The following CASP5 variants were observed in gnomAD, a reference collection of about 807,000 sequenced individuals.
CASP5 encodes caspase 5.
Under a neutral mutation model 45.2 loss-of-function variants are expected in CASP5, and 42 were observed. That is an observed-to-expected ratio of 0.93 (90% CI 0.73 to 1.20). CASP5 has a LOEUF of 1.20. Among genes scored for constraint, CASP5 ranks in the 50% most tolerant of loss-of-function variants. CASP5 has a pLI of 0.00. For synonymous variants in CASP5, 209 were observed against 186.2 expected (o/e 1.12, Z -1.00); for missense variants, 512 against 532.2 (o/e 0.96, Z 0.37).
chr11:105,020,105 A>T (rs1862868303), intron 1 of CASP5, among the ~76,000 whole-genome samples: 1 of 145,988 alleles, frequency 6.8e-6, no homozygotes, highest in African/African-American at 2.5e-5. Flanking sequence ...AAAATTCAAC[A>T]ACGCTTCATG....
intron 1 of CASP5, among the ~76,000 whole-genome samples, chr11:105,016,016 T>G (rs1373560233): frequency 3.3e-5 from 5 of 152,192 alleles, no homozygotes; most frequent in Admixed American, 2.6e-4. Context: ...TCTAAAACAC[T>G]ATCTGAAAGT....
At chr11:105,005,350 ATATATATGTGTGTGTGTG>A (rs1861949969) in intron 3 of CASP5, among the ~76,000 whole-genome samples, 1 of 120,526 alleles carries the variant, frequency 8.3e-6, no homozygotes, top group East Asian at 2.1e-4. Flanking sequence ...TAGTGTGTAT[ATATATATGTGTGTGTGTG>A]TGTGTGTGTG....
At chr11:105,011,752 A>G (rs1019274555) in intron 1 of CASP5, among the ~76,000 whole-genome samples, 1 of 151,882 alleles carries the variant, frequency 6.6e-6, no homozygotes. Context: ...TTAAAGATGT[A>G]TATACTCATA....
intron 4 of CASP5, among the ~76,000 whole-genome samples, chr11:105,002,747 A>G (rs1861802080): frequency 6.6e-6 from 1 of 151,732 alleles, no homozygotes; most frequent in Non-Finnish European, 1.5e-5. Context: ...AATTGATACA[A>G]AAATCAATAA....
At chr11:105,011,358 A>G (rs543214802) in intron 1 of CASP5, among the ~76,000 whole-genome samples, 62 of 151,910 alleles carry the variant, frequency 4.1e-4, no homozygotes, top group South Asian at 1.4e-3. Context: ...ATCATACTCA[A>G]TGGTGAAAAG....
intron 1 of CASP5, among the ~76,000 whole-genome samples, chr11:105,011,354 C>T (rs1180973949): frequency 6.6e-6 from 1 of 151,708 alleles, no homozygotes; most frequent in Non-Finnish European, 1.5e-5. Flanking sequence ...TAACATCATA[C>T]TCAATGGTGA....
chr11:105,011,392 A>G (rs1862337682), intron 1 of CASP5, among the ~76,000 whole-genome samples: 2 of 151,832 alleles, frequency 1.3e-5, no homozygotes, highest in African/African-American at 4.8e-5. Context: ...TTCAAAGATT[A>G]GGAAGAGGAC....
chr11:105,003,955 T>C (rs1455332544), intron 3 of CASP5, among the ~76,000 whole-genome samples: 1 of 152,032 alleles, frequency 6.6e-6, no homozygotes, highest in Non-Finnish European at 1.5e-5. Context: ...CAAAAGTGGA[T>C]GGGACAACAT....
At position 104,995,745 on chromosome 11, in the gene CASP5, C is replaced by G; in HGVS notation, c.1304G>C (p.Ter435SerextTer2). The G allele has an allele frequency of 6.2e-7, 1 of 1,600,878 alleles. No homozygotes were observed. Among genetic ancestry groups the G allele is most frequent in the Non-Finnish European group, 8.6e-7 (1 of 1,168,916 alleles). Residue 435 changes from the stop codon to serine (S), a stop_lost, in exon 9 of 10, where the codon TGA (stop) becomes TCA (serine). Transcript: ENST00000260315. ...CAACAACTCTCAATACTTACATTTT[C>G]AATTGCCAGGAAAGAGGTAGAAATC... ...TRDFYLFPGN[*>S] is the part of the protein sequence containing the mutation.
At chr11:105,010,539 T>A (rs1303306603) in intron 1 of CASP5, among the ~76,000 whole-genome samples, 1 of 150,726 alleles carries the variant, frequency 6.6e-6, no homozygotes, top group African/African-American at 2.4e-5. Flanking sequence ...ATATCAGTAA[T>A]AATCATTATT....
Position 105,007,088 on chromosome 11 carries a change from A to T in CASP5, c.428T>A (p.Val143Glu), listed in dbSNP as rs1862035331. The change falls in exon 3 of 10, where the codon GTA becomes GAA. Residue 143 changes from valine to glutamate, a missense_variant. Transcript: ENST00000260315. ...LLNMDQKITS[V>E]KPLLQIEAGP... ...CGTGTTAGATGCAACCTTACGTTTT[A>T]CACTGGTGATCTTTTGGTCCATATT... is the stretch of plus-strand genomic sequence containing the variant. 6.2e-7 allele frequency: 1 copy of T among 1,611,166 alleles called. No individual in the cohort carries two copies. Among genetic ancestry groups the T allele is most frequent in the Admixed American group, 1.7e-5 (1 of 59,528 alleles).
chr11:105,010,505 AATT>A (rs1214808361), intron 1 of CASP5, among the ~76,000 whole-genome samples: 1 of 128,564 alleles, frequency 7.8e-6, no homozygotes, highest in Non-Finnish European at 1.6e-5. Flanking sequence ...ATAAATCAGT[AATT>A]ATCATTATTA....
intron 3 of CASP5, among the ~76,000 whole-genome samples, chr11:105,004,276 C>T (rs929963412): frequency 1.3e-5 from 2 of 152,154 alleles, no homozygotes; most frequent in Non-Finnish European, 2.9e-5. Flanking sequence ...AACTGCTGGA[C>T]AGCCAACACT....
intron 1 of CASP5, among the ~76,000 whole-genome samples, chr11:105,012,021 A>C (rs147133703): frequency 5.5e-4 from 84 of 151,866 alleles, no homozygotes; most frequent in African/African-American, 2.0e-3. Flanking sequence ...GGCAGCACAC[A>C]ACCTGACTTT....
chr11:104,997,942 A>G (rs1346565084), intron 7 of CASP5, among the ~76,000 whole-genome samples: 5 of 152,222 alleles, frequency 3.3e-5, no homozygotes, highest in Non-Finnish European at 7.3e-5. Flanking sequence ...TAAAATAAAC[A>G]AAATAGATGA....
At chr11:105,014,084 G>T (rs1363740594) in intron 1 of CASP5, among the ~76,000 whole-genome samples, 1 of 152,118 alleles carries the variant, frequency 6.6e-6, no homozygotes, top group Non-Finnish European at 1.5e-5. Context: ...AATAAAGAGT[G>T]TTCCTATATC....
chr11:104,998,934 G>T lies in CASP5; in HGVS notation c.1047C>A (p.Cys349Ter). ...TGAAGTCCTTCTCCTCGTGGATCTTGCAAACAGAATCTGCCTCCAGGTTCT... is the reference window on the plus strand; with the variant it reads ...TGAAGTCCTTCTCCTCGTGGATCTTTCAAACAGAATCTGCCTCCAGGTTCT... Reference protein sequence around the residue: ...SSENLEADSVCKIHEEKDFIA... With the variant: ...SSENLEADSV Residue 349 changes from cysteine to a stop codon, truncating the protein, a stop_gained, in exon 7 of 10, where the codon TGC (cysteine) becomes TGA (stop). Transcript: ENST00000260315. LOFTEE classifies it high-confidence loss of function. 1 of 1,613,936 alleles carries T rather than the reference G, an allele frequency of 6.2e-7. No homozygotes were observed. The highest frequency in any genetic ancestry group is 8.5e-7 in the Non-Finnish European group (1 of 1,179,874).
chr11:105,016,547 A>G (rs891130930), intron 1 of CASP5, among the ~76,000 whole-genome samples: 3 of 152,216 alleles, frequency 2.0e-5, no homozygotes, highest in African/African-American at 7.2e-5. Context: ...AAGGGGTGAC[A>G]CACGGCACCT....
chr11:105,018,123 A>C (rs1482821936), intron 1 of CASP5, among the ~76,000 whole-genome samples: 2 of 151,830 alleles, frequency 1.3e-5, no homozygotes, highest in African/African-American at 4.8e-5. Flanking sequence ...TTTTGTCACC[A>C]CCAGGCCTGC....
Sources: allele counts gnomAD v4.1 joint callset (sites outside exome capture counted in the v4.1 genomes callset), GRCh38; gene constraint gnomAD v4.1.1; transcripts MANE v1.5; gene names NCBI Gene and HGNC (gene_info 2026-07-23, HGNC 2026-07-21).